Variants in CA13 observed in about 807,000 individuals in gnomAD.
CA13 encodes carbonic anhydrase 13, also known as CA-XIII.
A neutral mutation model predicts 31.5 loss-of-function variants in CA13; 21 were observed. The ratio of observed to expected loss-of-function variants is 0.67; its 90% CI spans 0.47 to 0.96. The LOEUF (loss-of-function observed/expected upper bound fraction) is 0.96, where lower values mean the gene tolerates loss of function less well. CA13 is among the 40% of genes least tolerant of loss of function. CA13 has a pLI of 0.00. For missense variants in CA13, 315 were observed against 318.9 expected (o/e 0.99, Z 0.09); for synonymous variants, 117 against 111.4 (o/e 1.05, Z -0.32).
Position 85,245,786 on chromosome 8 carries a change from G to GCTGCTCAGT in CA13, c.-41_-33dup. ...CCCTCCCCGCTCCCTCCTCTTTCTC[G>GCTGCTCAGT]CTGCTCAGTCACATCTTTCTCTTCC... On this transcript the variant is annotated 5_prime_UTR_variant, in exon 1 of 7. Coordinates refer to ENST00000321764, the MANE Select transcript of CA13 (RefSeq NM_198584.3). The GCTGCTCAGT allele has an allele frequency of 6.2e-7, 1 of 1,610,452 alleles. No individual in the cohort carries two copies.
rs1000629537 is a variant in CA13 at position 85,267,811 on chromosome 8, T to TA, written c.451-85dup. On this transcript the variant is annotated intron_variant, in intron 4 of 6. Transcript: ENST00000321764. ...TGTTCTGTGCTGGCTAAGGTTTTTT[T>TA]AAAAAATAATTTTTAAATAGTGGCT... is the stretch of plus-strand genomic sequence containing the variant. The TA allele has an allele frequency of 1.4e-5, 11 of 766,280 alleles. No homozygotes were observed. In the African/African-American group the frequency reaches 1.8e-4, roughly 12 times the overall value. 47.5% of individuals were successfully genotyped at this position (766,280 alleles called of 1,614,324 possible).
chr8:85,262,729 G>A (rs145894229), intron 3 of CA13, among the ~76,000 whole-genome samples: 2 of 152,294 alleles, frequency 1.3e-5, no homozygotes, highest in Non-Finnish European at 1.5e-5. Context: ...GCTAAGGGGA[G>A]CTTTGGAGGA....
chr8:85,259,678 A>C, intron 3 of CA13, 139 bp downstream of exon 3: 1 of 659,170 alleles, frequency 1.5e-6, no homozygotes, highest in Non-Finnish European at 2.6e-6. Context: ...TATTCATTCA[A>C]TATGAGAGTT....
At chr8:85,281,145 A>G (rs1807697842) in intron 6 of CA13, 85 bp from the exon 7 acceptor site, 2 of 1,488,794 alleles carry the variant, frequency 1.3e-6, no homozygotes, top group African/African-American at 1.4e-5. Context: ...GTTCCTGGTT[A>G]TAGATATATC....
rs779439276 is a variant in CA13 at position 85,268,544 on chromosome 8, C to T, written c.586C>T (p.Pro196Ser). 9 of 1,613,882 alleles carry T rather than the reference C, an allele frequency of 5.6e-6. No individual in the cohort carries two copies. The highest frequency in any genetic ancestry group is 1.3e-5 in the African/African-American group (1 of 74,920). The change falls in exon 6 of 7, where the codon CCT (proline) becomes TCT (serine). Residue 196 changes from proline (P) to serine (S), a missense_variant. Transcript: ENST00000321764. ...LPPSWDYWTYPGSLTVPPLLE... is the reference protein window; with the variant it reads ...LPPSWDYWTYSGSLTVPPLLE... ...ACCATCCTGGGACTACTGGACATAT[C>T]CTGGTTCTCTTACAGTTCCACCTCT...
At chr8:85,252,894 C>G (rs1380502198) in intron 2 of CA13, among the ~76,000 whole-genome samples, 1 of 151,842 alleles carries the variant, frequency 6.6e-6, no homozygotes, top group African/African-American at 2.4e-5. Flanking sequence ...TAAGCCCAAC[C>G]ACATTTCTTC....
intron 3 of CA13, among the ~76,000 whole-genome samples, chr8:85,261,882 G>C (rs1013825293): frequency 6.6e-6 from 1 of 151,886 alleles, no homozygotes; most frequent in African/African-American, 2.4e-5. Context: ...CTCTCGATCT[G>C]TTGCCCAGGC....
At chr8:85,247,319 G>A (rs1362689575) in intron 1 of CA13, among the ~76,000 whole-genome samples, 1 of 152,120 alleles carries the variant, frequency 6.6e-6, no homozygotes, top group African/African-American at 2.4e-5. Context: ...TTACTCTTTA[G>A]TAGGTTAGAA....
chr8:85,261,203 T>C (rs544515791), intron 3 of CA13, among the ~76,000 whole-genome samples: 1 of 152,320 alleles, frequency 6.6e-6, no homozygotes, highest in Admixed American at 6.5e-5. Flanking sequence ...AAAAAATTTA[T>C]AATGCAAATT....
intron 6 of CA13, among the ~76,000 whole-genome samples, chr8:85,269,224 G>T (rs1376091719): frequency 1.3e-5 from 2 of 152,178 alleles, no homozygotes; most frequent in Non-Finnish European, 2.9e-5. Context: ...GGCTGAGGTG[G>T]GTGGATCGCT....
rs773340402 is a variant in CA13 at position 85,250,916 on chromosome 8, G to A, written c.214G>A (p.Asp72Asn). The change falls in exon 2 of 7, where the codon GAT becomes AAT. Residue 72 changes from aspartate to asparagine, a missense_variant. Coordinates refer to ENST00000321764, the MANE Select transcript of CA13 (RefSeq NM_198584.3). ...NSGHSFNVDF[D>N]DTENKSVLRG... ...CGGCCATTCCTTCAATGTTGACTTT[G>A]ATGACACAGAGAACAAATCAGGTTG... 3 of 1,613,304 alleles carry A rather than the reference G, an allele frequency of 1.9e-6. No homozygotes were observed.
intron 6 of CA13, among the ~76,000 whole-genome samples, chr8:85,276,798 A>G (rs940183728): frequency 6.6e-6 from 1 of 151,600 alleles, no homozygotes; most frequent in South Asian, 2.1e-4. Context: ...ACCAGTCGAC[A>G]CTCTGTATCT....
chr8:85,248,001 C>T (rs1813760765), intron 1 of CA13, among the ~76,000 whole-genome samples: 1 of 152,114 alleles, frequency 6.6e-6, no homozygotes, highest in African/African-American at 2.4e-5. Flanking sequence ...GACTTGAAGC[C>T]CTGAAAGGGT....
intron 6 of CA13, among the ~76,000 whole-genome samples, chr8:85,275,491 C>A (rs1025984362): frequency 6.6e-6 from 1 of 152,150 alleles, no homozygotes; most frequent in African/African-American, 2.4e-5. Flanking sequence ...AAGGGCGATG[C>A]GTTCTCCTAG....
At chr8:85,276,226 A>T (rs1807604286) in intron 6 of CA13, among the ~76,000 whole-genome samples, 1 of 152,060 alleles carries the variant, frequency 6.6e-6, no homozygotes, top group South Asian at 2.1e-4. Context: ...TGCTGTGCTC[A>T]ATTTCTCGCC....
rs374793927 is a variant in CA13, at chr8:85,259,708, G to T, written c.354+169G>T. Among the ~76,000 whole-genome samples the T allele has an allele frequency of 9.2e-5, 14 of 152,328 alleles. No individual in the cohort carries two copies. The East Asian group carries it at 1.9e-3, about 21-fold the overall frequency. ...AGAGTTTATGAATATGAGAGCTTCA[G>T]ATGTTGCCCTCCTAAGCGTTAAACC... On this transcript the variant is annotated intron_variant, in intron 3 of 6. Transcript: ENST00000321764.
At chr8:85,266,564 T>G in intron 3 of CA13, 44 bp from the exon 4 acceptor site, 1 of 1,411,958 alleles carries the variant, frequency 7.1e-7, no homozygotes, top group South Asian at 1.2e-5. Flanking sequence ...TTTTTCAGGA[T>G]GTCTAACAAA....
At chr8:85,269,903 C>T (rs1807505611) in intron 6 of CA13, among the ~76,000 whole-genome samples, 1 of 152,002 alleles carries the variant, frequency 6.6e-6, no homozygotes. Flanking sequence ...TTTGTGTAGA[C>T]AGGGTCTTGC....
chr8:85,268,380 G>T, intron 5 of CA13, 92 bp from the exon 6 acceptor site: 1 of 1,080,424 alleles, frequency 9.3e-7, no homozygotes, highest in South Asian at 1.5e-5. Context: ...ATTGTTTATG[G>T]AATTATAATG....
Sources: gnomAD v4.1 joint callset for allele counts (sites outside exome capture counted in the v4.1 genomes callset) on GRCh38, gnomAD v4.1.1 for gene constraint, MANE v1.5 for transcripts, NCBI Gene and HGNC (gene_info 2026-07-23, HGNC 2026-07-21) for gene names.